Variants in TCF20 observed in about 807,000 individuals in gnomAD.
TCF20 encodes SPRE-binding protein.
A neutral mutation model predicts 148.6 loss-of-function variants in TCF20; 3 were observed. The observed-to-expected ratio is 0.02, with a 90% CI of 0.01 to 0.05. The LOEUF (loss-of-function observed/expected upper bound fraction) is 0.05. TCF20 is among the 10% of genes least tolerant of loss of function. TCF20 has a pLI of 1.00. For synonymous variants in TCF20, 1,049 were observed against 909.5 expected (o/e 1.15, Z -2.76); for missense variants, 2,350 against 2,429.3 (o/e 0.97, Z 0.69).
chr22:42,227,791 G>A (rs1048408157), intron 1 of TCF20, among the ~76,000 whole-genome samples: 21 of 152,126 alleles, frequency 1.4e-4, no homozygotes, highest in Non-Finnish European at 1.6e-4. Context: ...CTTCCTTAGC[G>A]GCAATACCAG....
intron 1 of TCF20, chr22:42,278,881 C>A (rs1175771078): frequency 6.6e-6 from 1 of 152,300 alleles, no homozygotes; most frequent in African/African-American, 2.4e-5. Flanking sequence ...TCTGAACCCA[C>A]ACATTGCCCT....
intron 5 of TCF20, among the ~76,000 whole-genome samples, chr22:42,162,483 T>A (rs948782704): frequency 6.6e-6 from 1 of 152,224 alleles, no homozygotes; most frequent in East Asian, 1.9e-4. Context: ...ATGGCCCACG[T>A]AGGACAGATG....
intron 2 of TCF20, among the ~76,000 whole-genome samples, chr22:42,181,032 G>A (rs1816281431): frequency 6.6e-6 from 1 of 152,196 alleles, no homozygotes; most frequent in African/African-American, 2.4e-5. Flanking sequence ...TTGGTCTGGA[G>A]TAAACCAAGG....
intron 1 of TCF20, among the ~76,000 whole-genome samples, chr22:42,335,212 C>G (rs1356330448): frequency 6.6e-6 from 1 of 152,136 alleles, no homozygotes; most frequent in Non-Finnish European, 1.5e-5. Flanking sequence ...AGGAGTCCCA[C>G]TTGGGATGCT....
intron 1 of TCF20, among the ~76,000 whole-genome samples, chr22:42,251,628 G>A (rs996670254): frequency 3.6e-5 from 5 of 139,432 alleles, no homozygotes; most frequent in African/African-American, 1.1e-4. Context: ...TCAGCATCCC[G>A]AGTAGCGGGG....
At chr22:42,202,358 T>A (rs1938088769) in intron 2 of TCF20, among the ~76,000 whole-genome samples, 1 of 152,248 alleles carries the variant, frequency 6.6e-6, no homozygotes, top group African/African-American at 2.4e-5. Flanking sequence ...ACACATTTAA[T>A]CCTCCTAACA....
chr22:42,329,371 A>G (rs927444355), intron 1 of TCF20, among the ~76,000 whole-genome samples: 2 of 152,238 alleles, frequency 1.3e-5, no homozygotes, highest in African/African-American at 4.8e-5. Context: ...GAGAATGGCC[A>G]CAGGACAGAT....
At chr22:42,331,012 C>T (rs540233954) in intron 1 of TCF20, among the ~76,000 whole-genome samples, 4 of 152,338 alleles carry the variant, frequency 2.6e-5, no homozygotes, top group East Asian at 1.9e-4. Context: ...GGTCATCCAT[C>T]GAGCAGGTGG....
chr22:42,339,904 C>T (rs758803258), intron 1 of TCF20, among the ~76,000 whole-genome samples: 7 of 152,180 alleles, frequency 4.6e-5, no homozygotes, highest in East Asian at 1.9e-4. Flanking sequence ...CCAGGATGCA[C>T]GAAAGAGTTT....
chr22:42,317,943 T>C lies in TCF20; in HGVS notation c.-37+25536A>G, dbSNP rs1184097229. 2.6e-5 allele frequency among the ~76,000 whole-genome samples: 4 copies of C among 152,280 alleles called. No individual in the cohort carries two copies. Among genetic ancestry groups the C allele is most frequent in the South Asian group, 2.1e-4 (1 of 4,832 alleles). On this transcript the variant is annotated intron_variant, in intron 1 of 1. Transcript: ENST00000515426. The surrounding 1 kb of genome is among the most constrained non-coding windows in gnomAD (Gnocchi z 4.2). ...GCCTGTCCATCCCCTGGCAGCCCCA[T>C]TGGCCACACTCCCAGAGCCCTATGG... is the stretch of plus-strand genomic sequence containing the variant.
intron 1 of TCF20, among the ~76,000 whole-genome samples, chr22:42,244,296 A>AT (rs1171195042): frequency 6.6e-6 from 1 of 152,224 alleles, no homozygotes; most frequent in African/African-American, 2.4e-5. Flanking sequence ...TATACTCAAA[A>AT]TAAGTGAAAA....
intron 1 of TCF20, among the ~76,000 whole-genome samples, chr22:42,253,217 TCTA>T (rs1925519298): frequency 6.6e-6 from 1 of 152,204 alleles, no homozygotes; most frequent in Non-Finnish European, 1.5e-5. Flanking sequence ...ACCTACACCA[TCTA>T]CTAATTTGCT....
intron 2 of TCF20, among the ~76,000 whole-genome samples, chr22:42,204,323 C>T (rs542875503): frequency 5.3e-5 from 8 of 151,980 alleles, no homozygotes; most frequent in Non-Finnish European, 1.0e-4. Flanking sequence ...CCTCAAATCC[C>T]GTCTCTACTA....
At chr22:42,167,741 A>G (rs1392217115) in intron 5 of TCF20, among the ~76,000 whole-genome samples, 1 of 152,056 alleles carries the variant, frequency 6.6e-6, no homozygotes. Flanking sequence ...TCTTTTTTTG[A>G]GACAGGGTCT....
At chr22:42,300,293 G>A (rs775597629) in intron 1 of TCF20, among the ~76,000 whole-genome samples, 4 of 152,124 alleles carry the variant, frequency 2.6e-5, no homozygotes, top group African/African-American at 9.7e-5. Flanking sequence ...TACTCCTGCC[G>A]GTGAGAGCTC....
chr22:42,292,484 C>T lies in TCF20; in HGVS notation c.-37+50995G>A, dbSNP rs148165232. ...GGACTCAGCTAGGACCCAGCACATA[C>T]GCTGAGGATAGGGACATAACAAGGG... On this transcript the variant is annotated intron_variant, in intron 1 of 1. Transcript: ENST00000515426. This position sits in a 1 kb window ranked among gnomAD's most constrained non-coding sequence, Gnocchi z 4.9. 1.4e-4 allele frequency among the ~76,000 whole-genome samples: 22 copies of T among 152,146 alleles called. No homozygotes were observed. Among genetic ancestry groups the T allele is most frequent in the South Asian group, 4.1e-4 (2 of 4,830 alleles).
chr22:42,257,012 T>C (rs1925780495), intron 1 of TCF20, among the ~76,000 whole-genome samples: 1 of 152,108 alleles, frequency 6.6e-6, no homozygotes. Flanking sequence ...AAAATAAAAT[T>C]AGCAGGGTGT....
upstream of TCF20, among the ~76,000 whole-genome samples, chr22:42,270,705 C>CGCGGGCGG (rs996052700): frequency 8.1e-6 from 1 of 122,916 alleles, no homozygotes; most frequent in African/African-American, 3.0e-5. Context: ...GGCCGCGGCG[C>CGCGGGCGG]GCGGGCGGGC....
At chr22:42,221,739 G>GTTTTTTGTTTT (rs534858078) in intron 1 of TCF20, among the ~76,000 whole-genome samples, 2 of 92,820 alleles carry the variant, frequency 2.2e-5, no homozygotes, top group African/African-American at 5.1e-5. Context: ...ATGGCAAAGG[G>GTTTTTTGTTTT]TTTTTTTTTT....
Sources: gnomAD v4.1 joint callset for allele counts (sites outside exome capture counted in the v4.1 genomes callset) on GRCh38, gnomAD v4.1.1 for gene constraint, Gnocchi (gnomAD v3.1) non-coding constraint, MANE v1.5 for transcripts, NCBI Gene and HGNC (gene_info 2026-07-23, HGNC 2026-07-21) for gene names.